TSPO: variants seen among roughly 807,000 people sequenced by gnomAD.
TSPO encodes the protein benzodiazepine peripheral binding site.
A neutral mutation model predicts 13.9 loss-of-function variants in TSPO; 14 were observed. The observed-to-expected ratio is 1.01, with a 90% CI of 0.67 to 1.58. The LOEUF (loss-of-function observed/expected upper bound fraction) is 1.58. TSPO is among the 40% of genes most tolerant of loss of function. The pLI is 0.00. For synonymous variants in TSPO, 114 were observed against 105.9 expected, an observed-to-expected ratio of 1.08 and a Z score of -0.47; for missense variants, 232 against 229.6, an observed-to-expected ratio of 1.01 and a Z score of -0.07.
intron 1 of TSPO, among the ~76,000 whole-genome samples, chr22:43,157,347 G>A (rs1931284875): frequency 1.3e-5 from 2 of 151,470 alleles, no homozygotes; most frequent in African/African-American, 2.4e-5. Flanking sequence ...ACACAGGAAC[G>A]TTTCTTGCCG....
chr22:43,151,884 G>C (rs894137771), intron 1 of TSPO: 2 of 152,250 alleles, frequency 1.3e-5, no homozygotes, highest in Non-Finnish European at 2.9e-5. Flanking sequence ...GCCCTTGGCC[G>C]CGTGGCTTCT....
At chr22:43,159,980 C>T (rs1245136685) in intron 2 of TSPO, among the ~76,000 whole-genome samples, 4 of 152,162 alleles carry the variant, frequency 2.6e-5, no homozygotes, top group Admixed American at 2.6e-4. Context: ...GTAGCGGGGA[C>T]CACACCCAGG....
intron 2 of TSPO, 95 bp downstream of exon 2, chr22:43,159,515 C>A: frequency 8.0e-7 from 1 of 1,256,848 alleles, no homozygotes; most frequent in Non-Finnish European, 1.0e-6. Flanking sequence ...GGGCCATGGA[C>A]CATGGCATGG....
At chr22:43,154,059 T>A (rs776074539) in intron 1 of TSPO, among the ~76,000 whole-genome samples, 4 of 152,238 alleles carry the variant, frequency 2.6e-5, no homozygotes, top group South Asian at 2.1e-4. Flanking sequence ...TACCCCACCC[T>A]CACCCTACCC....
chr22:43,161,309 T>C lies in TSPO; in HGVS notation c.321+119T>C, dbSNP rs1931430901. 4.3e-6 allele frequency: 6 copies of C among 1,406,644 alleles called. No homozygotes were observed. The African/African-American group carries it at 4.3e-5, about 10-fold the overall frequency. 87.1% of individuals were successfully genotyped at this position (1,406,644 alleles called of 1,614,324 possible). A position where few individuals can be genotyped will look rare whatever the true frequency, so the allele number is the denominator to read the frequency against. ...CGGGGCCAGGGGAGACAAAAGGCCA[T>C]GTCTCTCTAGCTGTAAGCAGCCCAC... On this transcript the variant is annotated intron_variant, in intron 3 of 3. Coordinates refer to ENST00000337554, the MANE Select transcript of TSPO (RefSeq NM_000714.6).
At chr22:43,161,402 G>A (rs954669511) in intron 3 of TSPO, among the ~76,000 whole-genome samples, 2 of 152,184 alleles carry the variant, frequency 1.3e-5, no homozygotes, top group Non-Finnish European at 2.9e-5. Flanking sequence ...GGGTTGCAGG[G>A]GTGGGTTTGG....
Position 43,159,303 on chromosome 22 carries a change from G to A in TSPO, c.65G>A (p.Gly22Asp). The change falls in exon 2 of 4, where the codon GGC (glycine) becomes GAC (aspartate). Residue 22 changes from glycine to aspartate, a missense_variant. Coordinates refer to ENST00000337554, the MANE Select transcript of TSPO (RefSeq NM_000714.6). ...TLAPSLGCFV[G>D]SRFVHGEGLR... ...GCGCCCAGCCTGGGGTGCTTCGTGG[G>A]CTCCCGCTTTGTCCACGGCGAGGGT... 2 of 1,551,856 alleles carry A rather than the reference G, an allele frequency of 1.3e-6. No individual in the cohort carries two copies. The highest frequency in any genetic ancestry group is 1.7e-6 in the Non-Finnish European group (2 of 1,148,134).
In TSPO at chr22:43,162,958, TG is replaced by T; in HGVS notation, c.479del (p.Gly160AlafsTer29). On this transcript the variant is annotated frameshift_variant, in exon 4 of 4. Transcript: ENST00000337554. LOFTEE classifies it low-confidence loss of function (END_TRUNC). ...ACTACTGCGTATGGCGGGACAACCATGGCTGGCGTGGGGGACGGCGGCTGCC... is the reference window on the plus strand; with the variant it reads ...ACTACTGCGTATGGCGGGACAACCATGCTGGCGTGGGGGACGGCGGCTGCC... ...LNYCVWRDNH[G>X]WRGGRRLPE 6.3e-7 allele frequency: 1 copy of T among 1,594,222 alleles called. No individual in the cohort carries two copies. The highest frequency in any genetic ancestry group is 1.1e-5 in the South Asian group (1 of 88,326).
Position 43,159,333 on chromosome 22 carries a change from G to T in TSPO, c.95G>T (p.Arg32Leu). Residue 32 changes from arginine to leucine, a missense_variant, in exon 2 of 4, where the codon CGC becomes CTC. Physicochemically the swap from Arg to Leu is moderately radical, Grantham distance 102 (BLOSUM62 -2). Transcript: ENST00000337554. ...GSRFVHGEGL[R>L]WYAGLQKPSW... ...CGCTTTGTCCACGGCGAGGGTCTCC[G>T]CTGGTACGCCGGCCTGCAGAAGCCC... 1 of 1,548,410 alleles carries T rather than the reference G, an allele frequency of 6.5e-7. No individual in the cohort carries two copies.
intron 2 of TSPO, among the ~76,000 whole-genome samples, chr22:43,160,380 G>T (rs1034871297): frequency 1.3e-5 from 2 of 152,230 alleles, no homozygotes; most frequent in Admixed American, 6.5e-5. Context: ...CTGATGGCCT[G>T]CCAAGAGATC....
chr22:43,153,146 C>CCTTT (rs917470893), intron 1 of TSPO, among the ~76,000 whole-genome samples: 2 of 80,880 alleles, frequency 2.5e-5, no homozygotes, highest in African/African-American at 7.7e-5. Flanking sequence ...TTCCTTCCTT[C>CCTTT]CTTTCTTGTT....
chr22:43,160,511 G>GT (rs1454643757), intron 2 of TSPO, among the ~76,000 whole-genome samples: 1 of 152,198 alleles, frequency 6.6e-6, no homozygotes, highest in Non-Finnish European at 1.5e-5. Flanking sequence ...CCTGGCTCCT[G>GT]TGAGTGCTGG....
chr22:43,152,016 G>C (rs1417266112), intron 1 of TSPO: 1 of 152,272 alleles, frequency 6.6e-6, no homozygotes, highest in Non-Finnish European at 1.5e-5. Flanking sequence ...TCGGGCTCTT[G>C]ATCTCCGAGA....
rs556741053 is a variant in TSPO, at chr22:43,153,440, T to C, written c.-30+1836T>C. 2.7e-5 allele frequency among the ~76,000 whole-genome samples: 2 copies of C among 75,382 alleles called. 1 individual carries two copies. Among genetic ancestry groups the C allele is most frequent in the Non-Finnish European group, 5.6e-5 (2 of 35,856 alleles). The allele number at this position is 75,382 out of a possible 152,430, so 49.5% of individuals were successfully genotyped here. ...AATCTCGGCTCACTGCAAGCTCCGC[T>C]TCCCGGGTTCACGCCATTCTCCTGC... On this transcript the variant is annotated intron_variant, in intron 1 of 3. Transcript: ENST00000337554.
intron 2 of TSPO, 139 bp downstream of exon 2, chr22:43,159,559 G>A (rs1931367173): frequency 2.1e-6 from 2 of 940,438 alleles, no homozygotes; most frequent in East Asian, 3.2e-5. Flanking sequence ...CCAGGGTGGG[G>A]AAGCTGTGGG....
chr22:43,158,494 A>G (rs1601757076), intron 1 of TSPO, among the ~76,000 whole-genome samples: 1 of 152,148 alleles, frequency 6.6e-6, no homozygotes, highest in Admixed American at 6.5e-5. Context: ...GGATGAGGTC[A>G]GGGTGGGAGC....
chr22:43,159,385 G>A lies in TSPO; in HGVS notation c.147G>A (p.Leu49=), dbSNP rs1413184222. Residue 49 remains leucine (L), a synonymous_variant, in exon 2 of 4, where the codon CTG becomes CTA. Transcript: ENST00000337554. Reference sequence around the variant, plus strand: ...CGTGGCACCCGCCCCACTGGGTGCTGGGCCCTGTCTGGGGCACGCTCTACT... The same window carrying A: ...CGTGGCACCCGCCCCACTGGGTGCTAGGCCCTGTCTGGGGCACGCTCTACT... ...KPSWHPPHWV[L]GPVWGTLYSA... The A allele has an allele frequency of 1.3e-6, 2 of 1,541,020 alleles. No individual in the cohort carries two copies. Among genetic ancestry groups the A allele is most frequent in the South Asian group, 1.2e-5 (1 of 83,254 alleles).
chr22:43,160,552 A>C (rs9333339), intron 2 of TSPO, among the ~76,000 whole-genome samples: 11 of 152,076 alleles, frequency 7.2e-5, no homozygotes, highest in Admixed American at 3.3e-4. Flanking sequence ...TGGTGGTGTT[A>C]TCGTTGCCCT....
chr22:43,159,915 G>A (rs138914), intron 2 of TSPO, among the ~76,000 whole-genome samples: 48,914 of 152,044 alleles, frequency 0.32, 8,936 homozygotes, highest in Middle Eastern at 0.43. Context: ...AATAGACCAG[G>A]GGAATTCCAC....
Sources: gnomAD v4.1 joint callset for allele counts (sites outside exome capture counted in the v4.1 genomes callset) on GRCh38, gnomAD v4.1.1 for gene constraint, MANE v1.5 for transcripts, NCBI Gene and HGNC (gene_info 2026-07-23, HGNC 2026-07-21) for gene names.